TTLL5: variants seen among roughly 807,000 people sequenced by gnomAD.
TTLL5 encodes the protein tubulin polyglutamylase TTLL5.
TTLL5 carries 132 observed loss-of-function variants against 168.4 expected under a neutral mutation model. The observed-to-expected ratio is 0.78, with a 90% confidence interval of 0.68 to 0.91. The LOEUF (loss-of-function observed/expected upper bound fraction) is 0.91, where lower values mean the gene tolerates loss of function less well. Among genes scored for constraint, TTLL5 ranks in the 40% least tolerant of loss-of-function variants. The probability of loss-of-function intolerance (pLI) is 0.00; values close to 1 mark genes in which losing one functional copy is unlikely to be tolerated. For synonymous variants in TTLL5, 546 were observed against 558.6 expected, an observed-to-expected ratio of 0.98 and a Z score of 0.32; for missense variants, 1,545 against 1,581.5, an observed-to-expected ratio of 0.98 and a Z score of 0.39.
At chr14:75,671,575 T>C (rs937602218) in intron 3 of TTLL5, among the ~76,000 whole-genome samples, 2 of 152,222 alleles carry the variant, frequency 1.3e-5, no homozygotes, top group African/African-American at 2.4e-5. Context: ...CATGGTTTTA[T>C]AGTTTTCTGT....
At chr14:75,821,419 TA>T (rs1238834420) in intron 28 of TTLL5, among the ~76,000 whole-genome samples, 2 of 152,196 alleles carry the variant, frequency 1.3e-5, no homozygotes, top group Non-Finnish European at 2.9e-5. Flanking sequence ...TTATTTTCCA[TA>T]AAAAAATTTC....
At chr14:75,826,912 A>T (rs1895182122) in intron 28 of TTLL5, among the ~76,000 whole-genome samples, 1 of 152,018 alleles carries the variant, frequency 6.6e-6, no homozygotes, top group African/African-American at 2.4e-5. Context: ...AGTTTTCCTG[A>T]TCCTTTAACT....
rs373034041 is a variant in TTLL5, at chr14:75,924,123, G to A, written c.3823+21899G>A. ...TTTGAGCCTATGTGTGTCTCTGCAC[G>A]TGAGATGGGTCTCCTTAATACAGCA... On this transcript the variant is annotated intron_variant, in intron 31 of 31. Transcript: ENST00000298832. Among the ~76,000 whole-genome samples the A allele has an allele frequency of 1.4e-3, 203 of 150,032 alleles. 4 individuals are homozygous for A. The South Asian group carries it at 0.026, about 19-fold the overall frequency.
intron 10 of TTLL5, 70 bp downstream of exon 10, chr14:75,718,032 G>A: frequency 7.2e-7 from 1 of 1,389,876 alleles, no homozygotes. Context: ...AGGTGGAAAG[G>A]TAACATGTGG....
chr14:75,843,432 GT>G (rs771718748), intron 28 of TTLL5, among the ~76,000 whole-genome samples: 5 of 152,238 alleles, frequency 3.3e-5, no homozygotes, highest in Non-Finnish European at 7.3e-5. Flanking sequence ...ACTAAATGAA[GT>G]TCCTGGTTCA....
intron 31 of TTLL5, among the ~76,000 whole-genome samples, chr14:75,944,499 G>A (rs780031106): frequency 3.9e-5 from 6 of 152,132 alleles, no homozygotes; most frequent in Non-Finnish European, 7.3e-5. Flanking sequence ...AAAACCCACA[G>A]AACAGCCAAC....
chr14:75,778,747 A>C (rs534469706), intron 23 of TTLL5, among the ~76,000 whole-genome samples: 1 of 152,346 alleles, frequency 6.6e-6, no homozygotes, highest in African/African-American at 2.4e-5. Context: ...CAGATGTTAA[A>C]GTCCATGTGT....
intron 31 of TTLL5, among the ~76,000 whole-genome samples, chr14:75,919,003 C>T (rs962815927): frequency 6.6e-6 from 1 of 151,586 alleles, no homozygotes; most frequent in Non-Finnish European, 1.5e-5. Context: ...GAGTTCGAGA[C>T]CATCCTAGCC....
At chr14:75,771,942 T>G (rs1595009539) in intron 21 of TTLL5, 88 bp downstream of exon 21, 1 of 1,442,604 alleles carries the variant, frequency 6.9e-7, no homozygotes, top group South Asian at 1.4e-5. Context: ...TAGGGTAAAG[T>G]GCGATATTTT....
At chr14:75,903,064 T>C (rs1484124340) in intron 31 of TTLL5, among the ~76,000 whole-genome samples, 1 of 152,210 alleles carries the variant, frequency 6.6e-6, no homozygotes, top group Non-Finnish European at 1.5e-5. Context: ...CTGAATGCTT[T>C]ATGTGTAATA....
chr14:75,782,432 C>T, intron 24 of TTLL5, 55 bp from the exon 25 acceptor site: 1 of 1,388,972 alleles, frequency 7.2e-7, no homozygotes, highest in Admixed American at 1.8e-5. Flanking sequence ...ATGTATAGAA[C>T]AGCGGACTTG....
At chr14:75,845,214 T>G (rs1896478601) in intron 28 of TTLL5, among the ~76,000 whole-genome samples, 1 of 152,198 alleles carries the variant, frequency 6.6e-6, no homozygotes, top group Non-Finnish European at 1.5e-5. Flanking sequence ...GTTTTTTTTC[T>G]TAATTTAAAA....
At chr14:75,862,634 A>G (rs1329845419) in intron 28 of TTLL5, among the ~76,000 whole-genome samples, 2 of 152,276 alleles carry the variant, frequency 1.3e-5, no homozygotes, top group South Asian at 2.1e-4. Context: ...GTACACAGAC[A>G]TGGTCACCAG....
chr14:75,924,592 G>A (rs914863548), intron 31 of TTLL5, among the ~76,000 whole-genome samples: 12 of 151,970 alleles, frequency 7.9e-5, no homozygotes, highest in Admixed American at 7.2e-4. Flanking sequence ...GAGAGCACAG[G>A]GTTGGGGGTA....
At chr14:75,725,118 T>C (rs1888110137) in intron 12 of TTLL5, among the ~76,000 whole-genome samples, 1 of 152,224 alleles carries the variant, frequency 6.6e-6, no homozygotes, top group Admixed American at 6.5e-5. Flanking sequence ...GCACCAGCCA[T>C]GCCCAGTACA....
chr14:75,723,679 G>A (rs1887988500), intron 12 of TTLL5, among the ~76,000 whole-genome samples: 3 of 151,942 alleles, frequency 2.0e-5, no homozygotes, highest in Admixed American at 2.0e-4. Context: ...GAACTTATTG[G>A]CAATAGAATG....
chr14:75,737,344 C>T (rs560070213), intron 15 of TTLL5, among the ~76,000 whole-genome samples: 25 of 152,280 alleles, frequency 1.6e-4, no homozygotes, highest in African/African-American at 5.8e-4. Context: ...GGATTGTGCC[C>T]TCAGTGGTGA....
intron 29 of TTLL5, among the ~76,000 whole-genome samples, chr14:75,873,382 C>G (rs2031208402): frequency 6.6e-6 from 1 of 152,192 alleles, no homozygotes; most frequent in African/African-American, 2.4e-5. Flanking sequence ...CCCTCCAGAA[C>G]TTTTTTATAT....
chr14:75,683,112 G>A (rs1272551616), intron 4 of TTLL5, among the ~76,000 whole-genome samples: 1 of 152,126 alleles, frequency 6.6e-6, no homozygotes, highest in Non-Finnish European at 1.5e-5. Context: ...CTGTCTTGTT[G>A]CTGTTTTATT....
Sources: gnomAD v4.1 joint callset for allele counts (sites outside exome capture counted in the v4.1 genomes callset) on GRCh38, gnomAD v4.1.1 for gene constraint, MANE v1.5 for transcripts, NCBI Gene and HGNC (gene_info 2026-07-23, HGNC 2026-07-21) for gene names.